Variants in DLG2 observed in about 807,000 individuals in gnomAD.
DLG2 encodes discs large MAGUK scaffold protein 2, also known as disks large homolog 2.
A neutral mutation model predicts 132.5 loss-of-function variants in DLG2; 45 were observed. The observed-to-expected ratio is 0.34, with a 90% CI of 0.27 to 0.44. The LOEUF is 0.44. DLG2 is among the 20% of genes least tolerant of loss of function. DLG2 has a pLI of 1.00. For missense variants in DLG2, 1,045 were observed against 1,196.9 expected (o/e 0.87, Z 1.87); for synonymous variants, 424 against 419.6 (o/e 1.01, Z -0.13).
intron 11 of DLG2, among the ~76,000 whole-genome samples, chr11:83,986,674 C>T (rs1226792942): frequency 3.9e-5 from 6 of 151,918 alleles, no homozygotes; most frequent in South Asian, 2.1e-4. Flanking sequence ...ACACTCCCAC[C>T]GACAGTGTAA....
At chr11:85,284,307 A>G (rs2078422060) in intron 4 of DLG2, among the ~76,000 whole-genome samples, 1 of 151,718 alleles carries the variant, frequency 6.6e-6, no homozygotes, top group African/African-American at 2.4e-5. Context: ...TAGGGTGATA[A>G]TTAGGCTCTG....
intron 7 of DLG2, among the ~76,000 whole-genome samples, chr11:84,338,349 A>G (rs2098497644): frequency 6.6e-6 from 1 of 152,178 alleles, no homozygotes; most frequent in Non-Finnish European, 1.5e-5. Flanking sequence ...GAAAATGTTT[A>G]TACCTAACTG....
intron 9 of DLG2, among the ~76,000 whole-genome samples, chr11:84,128,588 C>T (rs2094282266): frequency 6.6e-6 from 1 of 151,968 alleles, no homozygotes; most frequent in Admixed American, 6.6e-5. Context: ...TTTGCTTTTT[C>T]TCTATCAGGT....
chr11:85,538,045 G>A (rs2075716241), intron 3 of DLG2, among the ~76,000 whole-genome samples: 1 of 151,952 alleles, frequency 6.6e-6, no homozygotes, highest in Non-Finnish European at 1.5e-5. Flanking sequence ...GAACCCAGGA[G>A]GTGGAGCTTC....
chr11:85,166,416 A>AT (rs201272237), intron 4 of DLG2, among the ~76,000 whole-genome samples: 16 of 150,528 alleles, frequency 1.1e-4, no homozygotes, highest in South Asian at 2.1e-4. Flanking sequence ...AAATGCAATC[A>AT]TTTTTTTTTC....
intron 18 of DLG2, among the ~76,000 whole-genome samples, chr11:83,722,452 G>C (rs2088859496): frequency 6.6e-6 from 1 of 152,120 alleles, no homozygotes; most frequent in Non-Finnish European, 1.5e-5. Context: ...ATTTGGTAGG[G>C]GATATGGAGA....
intron 8 of DLG2, among the ~76,000 whole-genome samples, chr11:84,178,473 T>C (rs975494458): frequency 2.0e-5 from 3 of 152,032 alleles, no homozygotes; most frequent in Admixed American, 6.6e-5. Context: ...AATCAACATA[T>C]CCCTGCCTGA....
At chr11:85,588,106 C>T (rs1037502446) in intron 3 of DLG2, among the ~76,000 whole-genome samples, 2 of 152,138 alleles carry the variant, frequency 1.3e-5, no homozygotes, top group Non-Finnish European at 2.9e-5. Flanking sequence ...TTACCTGATG[C>T]TTTCGCCTCA....
chr11:85,582,908 C>T (rs2078647591), intron 3 of DLG2, among the ~76,000 whole-genome samples: 2 of 148,500 alleles, frequency 1.3e-5, no homozygotes, highest in African/African-American at 4.9e-5. Flanking sequence ...GCTCTAGGTA[C>T]ATTAGATGAT....
At chr11:84,071,669 T>C (rs749698398) in intron 10 of DLG2, among the ~76,000 whole-genome samples, 14 of 152,216 alleles carry the variant, frequency 9.2e-5, no homozygotes, top group Non-Finnish European at 1.6e-4. Context: ...TTCCAACTTA[T>C]TGCCAGAATG....
At chr11:85,200,977 G>A (rs2081414555) in intron 4 of DLG2, among the ~76,000 whole-genome samples, 1 of 151,994 alleles carries the variant, frequency 6.6e-6, no homozygotes, top group African/African-American at 2.4e-5. Context: ...TAACCTGCTG[G>A]GAGACTCATG....
chr11:84,202,033 G>A (rs2096602599), intron 8 of DLG2, among the ~76,000 whole-genome samples: 1 of 151,632 alleles, frequency 6.6e-6, no homozygotes, highest in African/African-American at 2.4e-5. Flanking sequence ...TGGCCAGGCT[G>A]GTCTCGAACT....
chr11:84,687,902 G>C (rs2099739501), intron 6 of DLG2, among the ~76,000 whole-genome samples: 2 of 152,176 alleles, frequency 1.3e-5, no homozygotes, highest in Non-Finnish European at 2.9e-5. Flanking sequence ...TAAGGATGGA[G>C]GGATTTCAGA....
At chr11:85,592,392 A>C (rs2153232433) in intron 3 of DLG2, among the ~76,000 whole-genome samples, 1 of 152,342 alleles carries the variant, frequency 6.6e-6, no homozygotes, top group South Asian at 2.1e-4. Flanking sequence ...AGACTTATTT[A>C]AAGATCCATG....
chr11:85,377,556 A>G (rs146264479), intron 3 of DLG2, among the ~76,000 whole-genome samples: 1 of 152,202 alleles, frequency 6.6e-6, no homozygotes, highest in African/African-American at 2.4e-5. Flanking sequence ...AAAGCTTTAT[A>G]TATGACTCTG....
intron 5 of DLG2, among the ~76,000 whole-genome samples, chr11:85,122,951 A>T (rs12789026): frequency 3.0e-5 from 1 of 33,448 alleles, no homozygotes; most frequent in Non-Finnish European, 5.1e-5. Flanking sequence ...TATATATATT[A>T]TATATATATA....
intron 7 of DLG2, among the ~76,000 whole-genome samples, chr11:84,533,508 T>C (rs1366789762): frequency 1.3e-5 from 2 of 152,304 alleles, no homozygotes; most frequent in East Asian, 1.9e-4. Flanking sequence ...TTTTTATGTA[T>C]TGGTAGTAGC....
intron 15 of DLG2, among the ~76,000 whole-genome samples, chr11:83,918,101 G>T (rs773329419): frequency 6.6e-6 from 1 of 152,138 alleles, no homozygotes; most frequent in African/African-American, 2.4e-5. Context: ...GAACACATGT[G>T]AATTTCTACT....
At chr11:84,124,560 C>T (rs1190478130) in intron 9 of DLG2, among the ~76,000 whole-genome samples, 5 of 152,310 alleles carry the variant, frequency 3.3e-5, no homozygotes, top group African/African-American at 1.2e-4. Flanking sequence ...ATGATAGACG[C>T]TTAACAAATG....
Sources: gnomAD v4.1 joint callset for allele counts (sites outside exome capture counted in the v4.1 genomes callset) on GRCh38, gnomAD v4.1.1 for gene constraint, MANE v1.5 for transcripts, NCBI Gene and HGNC (gene_info 2026-07-23, HGNC 2026-07-21) for gene names.